Variants in ADGRE3 observed in about 807,000 individuals in gnomAD.
The protein encoded by ADGRE3 is EGF-like module receptor 3.
A neutral mutation model predicts 80.1 loss-of-function variants in ADGRE3; 88 were observed. That is an observed-to-expected ratio of 1.10 (90% CI 0.93 to 1.31). ADGRE3 has a LOEUF of 1.31. Ranked by LOEUF, ADGRE3 falls within the 40% of genes most tolerant of loss-of-function variation. The probability of loss-of-function intolerance (pLI) is 0.00; values close to 1 mark genes in which losing one functional copy is unlikely to be tolerated. For synonymous variants in ADGRE3, 281 were observed against 294.8 expected (o/e 0.95, Z 0.48); for missense variants, 715 against 776.5 (o/e 0.92, Z 0.94).
chr19:14,668,968 G>A, intron 1 of ADGRE3, 116 bp from the exon 2 acceptor site: 1 of 997,906 alleles, frequency 1.0e-6, no homozygotes. Flanking sequence ...TTACAAAAAT[G>A]TAGTGGCTTA....
the ADGRE3 span, among the ~76,000 whole-genome samples, chr19:14,606,447 G>A: frequency 6.6e-6 from 1 of 151,960 alleles, no homozygotes; most frequent in Non-Finnish European, 1.5e-5. Flanking sequence ...GGGAGGCTGA[G>A]GCAGGTGAAT....
chr19:14,655,104 T>G lies in ADGRE3; in HGVS notation c.455A>C (p.Glu152Ala). ...TGTGGATGAGATTTCTTGTCTCCCT[T>G]CTGTTCTCCATAAAGTCTGATTGGT... is the stretch of plus-strand genomic sequence containing the variant. ...LLTNQTLWRT[E>A]GRQEISSTAT... The change falls in exon 6 of 16, where the codon GAA becomes GCA. Residue 152 changes from glutamate to alanine, a missense_variant. Transcript: ENST00000253673. 1 of 1,614,160 alleles carries G rather than the reference T, an allele frequency of 6.2e-7. No homozygotes were observed. Among genetic ancestry groups the G allele is most frequent in the Non-Finnish European group, 8.5e-7 (1 of 1,180,004 alleles).
At position 14,664,836 on chromosome 19, in the gene ADGRE3, GA is replaced by G. The variant is rs543123725; in HGVS notation, c.77-1297del. 2.7e-3 allele frequency among the ~76,000 whole-genome samples: 408 copies of G among 151,422 alleles called. 1 individual carries two copies. Among genetic ancestry groups the G allele is most frequent in the African/African-American group, 9.5e-3 (391 of 41,238 alleles). ...ATGAAAATGATAAATTCACAGAATT[GA>G]AAAAAAATCCAACAATAAGTCTCTT... On this transcript the variant is annotated intron_variant, in intron 2 of 15. Transcript: ENST00000253673.
chr19:14,617,297 C>T, downstream of ADGRE3, among the ~76,000 whole-genome samples: 1 of 148,648 alleles, frequency 6.7e-6, no homozygotes, highest in African/African-American at 2.5e-5. Context: ...CTTTCTCTCT[C>T]TCTTCCTCTC....
Position 14,662,356 on chromosome 19 carries a change from A to G in ADGRE3, c.200-238T>C, listed in dbSNP as rs60928009. 1.2e-3 allele frequency among the ~76,000 whole-genome samples: 183 copies of G among 152,300 alleles called. 1 individual carries two copies. The highest frequency in any genetic ancestry group is 4.2e-3 in the African/African-American group (176 of 41,554). On this transcript the variant is annotated intron_variant, in intron 3 of 15. Coordinates refer to ENST00000253673, the MANE Select transcript of ADGRE3 (RefSeq NM_032571.5). ...TATTTGGGAGGGGATCCCAGGAAAC[A>G]CTGAGAGGGCAGTCGCGAAATGAAA... is the stretch of plus-strand genomic sequence containing the variant.
intron 5 of ADGRE3, among the ~76,000 whole-genome samples, chr19:14,655,989 A>G (rs1180457884): frequency 6.6e-6 from 1 of 152,056 alleles, no homozygotes; most frequent in Non-Finnish European, 1.5e-5. Context: ...TCTTGCGCCA[A>G]GATGAAGGAC....
intron 9 of ADGRE3, 128 bp from the exon 10 acceptor site, chr19:14,641,744 T>A (rs771538704): frequency 8.9e-7 from 1 of 1,120,722 alleles, no homozygotes; most frequent in Non-Finnish European, 1.3e-6. Context: ...AGACTGCTAA[T>A]GTAGATTGCT....
At chr19:14,671,759 A>G (rs898993587) in intron 1 of ADGRE3, among the ~76,000 whole-genome samples, 1 of 151,980 alleles carries the variant, frequency 6.6e-6, no homozygotes, top group Non-Finnish European at 1.5e-5. Flanking sequence ...TGTTTCCTTT[A>G]AAGTCCCCTT....
At chr19:14,620,548 T>TTATATATATATA (rs1555753132) in intron 15 of ADGRE3, among the ~76,000 whole-genome samples, 4 of 24,974 alleles carry the variant, frequency 1.6e-4, no homozygotes, top group East Asian at 1.5e-3. Context: ...TATATATATA[T>TTATATATATATA]TATATATATA....
intron 14 of ADGRE3, among the ~76,000 whole-genome samples, chr19:14,627,919 G>A (rs978831998): frequency 4.0e-5 from 6 of 151,780 alleles, no homozygotes; most frequent in Non-Finnish European, 7.4e-5. Context: ...ACCTGAGGTC[G>A]GGAGTTCGAG....
At position 14,655,117 on chromosome 19, in the gene ADGRE3, A is replaced by C; in HGVS notation, c.442T>G (p.Leu148Val). 1.2e-6 allele frequency: 2 copies of C among 1,613,998 alleles called. No individual in the cohort carries two copies. Among genetic ancestry groups the C allele is most frequent in the Non-Finnish European group, 1.7e-6 (2 of 1,179,938 alleles). Residue 148 changes from leucine (L) to valine (V), a missense_variant, in exon 6 of 16, where the codon TTA becomes GTA. By Grantham distance (32) the Leu-to-Val change is conservative (BLOSUM62 1). Coordinates refer to ENST00000253673, the MANE Select transcript of ADGRE3 (RefSeq NM_032571.5). Reference sequence around the variant, plus strand: ...TCTTGTCTCCCTTCTGTTCTCCATAAAGTCTGATTGGTGAGAAGTGACTCA... The same window carrying C: ...TCTTGTCTCCCTTCTGTTCTCCATACAGTCTGATTGGTGAGAAGTGACTCA... ...KFESLLTNQT[L>V]WRTEGRQEIS...
At chr19:14,672,874 A>C (rs1008790596) in intron 1 of ADGRE3, among the ~76,000 whole-genome samples, 1 of 151,844 alleles carries the variant, frequency 6.6e-6, no homozygotes, top group Non-Finnish European at 1.5e-5. Flanking sequence ...TTGCCTTCCA[A>C]AGCTTTGGGA....
At chr19:14,662,466 A>T (rs1328420149) in intron 3 of ADGRE3, among the ~76,000 whole-genome samples, 1 of 152,174 alleles carries the variant, frequency 6.6e-6, no homozygotes, top group Non-Finnish European at 1.5e-5. Flanking sequence ...GTTCACTGCA[A>T]CTTCTGCCTC....
chr19:14,659,697 T>A (rs574641536), intron 4 of ADGRE3, among the ~76,000 whole-genome samples: 41 of 151,786 alleles, frequency 2.7e-4, no homozygotes, highest in African/African-American at 9.7e-4. Context: ...GGCGGGTGCC[T>A]GTAATCCCAG....
At chr19:14,628,223 T>C (rs758271568) in intron 14 of ADGRE3, among the ~76,000 whole-genome samples, 27 of 147,498 alleles carry the variant, frequency 1.8e-4, no homozygotes, top group Non-Finnish European at 3.6e-4. Context: ...AAGGGAAGAG[T>C]ACATATAAGT....
chr19:14,655,066 G>T lies in ADGRE3; in HGVS notation c.493C>A (p.Leu165Ile). 1 of 1,614,040 alleles carries T rather than the reference G, an allele frequency of 6.2e-7. No homozygotes were observed. Among genetic ancestry groups the T allele is most frequent in the Non-Finnish European group, 8.5e-7 (1 of 1,179,940 alleles). The change falls in exon 6 of 16, where the codon CTC (leucine) becomes ATC (isoleucine). Residue 165 changes from leucine (L) to isoleucine (I), a missense_variant. Transcript: ENST00000253673. ...QEISSTATTI[L>I]RDVESKVLET... Reference sequence around the variant, plus strand: ...AGAACTTTCGATTCCACATCCCGGAGAATAGTGGTAGCTGTGGATGAGATT... The same window carrying T: ...AGAACTTTCGATTCCACATCCCGGATAATAGTGGTAGCTGTGGATGAGATT...
At chr19:14,650,942 T>A (rs1971589019) in intron 7 of ADGRE3, 143 bp downstream of exon 7, 1 of 955,448 alleles carries the variant, frequency 1.0e-6, no homozygotes, top group South Asian at 1.8e-5. Context: ...TGTCTTTTTT[T>A]TTTTTTTAAA....
the ADGRE3 span, among the ~76,000 whole-genome samples, chr19:14,606,056 A>G: frequency 6.6e-6 from 1 of 152,022 alleles, no homozygotes; most frequent in Non-Finnish European, 1.5e-5. Context: ...TGAAATACCA[A>G]AGCTAGGAAA....
the ADGRE3 span, among the ~76,000 whole-genome samples, chr19:14,606,551 G>T: frequency 1.3e-5 from 2 of 151,754 alleles, no homozygotes; most frequent in African/African-American, 4.8e-5. Flanking sequence ...GTGGTGGCGG[G>T]TAGCTATAAT....
Sources: gnomAD v4.1 joint callset for allele counts (sites outside exome capture counted in the v4.1 genomes callset) on GRCh38, gnomAD v4.1.1 for gene constraint, MANE v1.5 for transcripts, NCBI Gene and HGNC (gene_info 2026-07-23, HGNC 2026-07-21) for gene names.